Variants in SLC25A48 observed in about 807,000 individuals in gnomAD.
The protein encoded by SLC25A48 is solute carrier family 25 member 48, also known as CTC-321K16.1.
A neutral mutation model predicts 32.2 loss-of-function variants in SLC25A48; 29 were observed. The observed-to-expected ratio is 0.90, with a 90% CI of 0.67 to 1.23. The LOEUF is 1.23. Ranked by LOEUF, SLC25A48 falls within the 50% of genes most tolerant of loss-of-function variation. The probability of loss-of-function intolerance (pLI) is 0.00; values close to 1 mark genes in which losing one functional copy is unlikely to be tolerated. For missense variants in SLC25A48, 399 were observed against 422.7 expected (o/e 0.94, Z 0.49); for synonymous variants, 164 against 172.3 (o/e 0.95, Z 0.38).
chr5:135,602,263 G>A (rs540733180), intron 1 of SLC25A48, among the ~76,000 whole-genome samples: 4 of 152,308 alleles, frequency 2.6e-5, no homozygotes, highest in African/African-American at 9.6e-5. Flanking sequence ...TCACAAATGT[G>A]TTCACCAATG....
At chr5:135,766,600 C>T (rs78162850) in intron 3 of SLC25A48, among the ~76,000 whole-genome samples, 22 of 151,066 alleles carry the variant, frequency 1.5e-4, no homozygotes, top group Non-Finnish European at 2.1e-4. Context: ...TCCCATCCCA[C>T]GGAAGGTGGT....
At chr5:135,595,960 C>T (rs935396484) in intron 1 of SLC25A48, among the ~76,000 whole-genome samples, 6 of 152,186 alleles carry the variant, frequency 3.9e-5, no homozygotes, top group Admixed American at 1.3e-4. Context: ...GGCACCAGCC[C>T]TCCCAGAGTG....
At chr5:135,719,738 G>C (rs1480993351) in intron 3 of SLC25A48, among the ~76,000 whole-genome samples, 1 of 152,174 alleles carries the variant, frequency 6.6e-6, no homozygotes, top group Non-Finnish European at 1.5e-5. Flanking sequence ...TCTCCCTGAG[G>C]TGGGCTGAGA....
intron 3 of SLC25A48, among the ~76,000 whole-genome samples, chr5:135,721,640 T>C (rs1403765135): frequency 6.6e-6 from 1 of 152,140 alleles, no homozygotes; most frequent in Non-Finnish European, 1.5e-5. Context: ...CACTGCATAA[T>C]TGAAATGGAT....
intron 3 of SLC25A48, among the ~76,000 whole-genome samples, chr5:135,791,702 G>T (rs140720535): frequency 6.6e-6 from 1 of 151,412 alleles, no homozygotes; most frequent in Admixed American, 6.6e-5. Flanking sequence ...CACATTGGGG[G>T]TACACACTGT....
At chr5:135,716,187 G>A (rs1754791899) in intron 3 of SLC25A48, among the ~76,000 whole-genome samples, 2 of 152,128 alleles carry the variant, frequency 1.3e-5, no homozygotes, top group South Asian at 4.1e-4. Flanking sequence ...GCTTCCTACA[G>A]GAAAAAGTGA....
chr5:135,632,950 A>G (rs1234826489), intron 2 of SLC25A48, among the ~76,000 whole-genome samples: 1 of 152,208 alleles, frequency 6.6e-6, no homozygotes, highest in African/African-American at 2.4e-5. Flanking sequence ...AGGGTGAGGA[A>G]AATGAGCATG....
chr5:135,831,359 T>C (rs985125917), upstream of SLC25A48, among the ~76,000 whole-genome samples: 5 of 152,252 alleles, frequency 3.3e-5, no homozygotes, highest in Non-Finnish European at 7.3e-5. Context: ...CCATCAGGCC[T>C]GCGCCAGGCT....
At chr5:135,728,393 T>C (rs1470208710) in intron 3 of SLC25A48, among the ~76,000 whole-genome samples, 3 of 152,212 alleles carry the variant, frequency 2.0e-5, no homozygotes, top group African/African-American at 7.2e-5. Flanking sequence ...TATAGACTGC[T>C]TTATAATCAT....
chr5:135,639,976 ATGT>A (rs1752794822), intron 3 of SLC25A48, among the ~76,000 whole-genome samples: 1 of 152,198 alleles, frequency 6.6e-6, no homozygotes, highest in Non-Finnish European at 1.5e-5. Flanking sequence ...GGCAACCCAG[ATGT>A]TGTAATTAGC....
At chr5:135,652,319 C>T (rs944162900) in intron 3 of SLC25A48, 1 of 452,150 alleles carries the variant, frequency 2.2e-6, no homozygotes, top group East Asian at 7.0e-5. Flanking sequence ...GATTTGTCAC[C>T]ATGAGAATAG....
chr5:135,724,253 T>G (rs1256688507), intron 3 of SLC25A48, among the ~76,000 whole-genome samples: 1 of 152,248 alleles, frequency 6.6e-6, no homozygotes, highest in African/African-American at 2.4e-5. Context: ...ATGCCATTAG[T>G]TGCCACTGTT....
chr5:135,718,234 C>T (rs1353057781), intron 3 of SLC25A48, among the ~76,000 whole-genome samples: 1 of 152,098 alleles, frequency 6.6e-6, no homozygotes, highest in African/African-American at 2.4e-5. Flanking sequence ...CCCTTGGCTC[C>T]CCAGCAGGCT....
intron 3 of SLC25A48, among the ~76,000 whole-genome samples, chr5:135,735,516 C>G (rs181586332): frequency 6.6e-6 from 1 of 152,154 alleles, no homozygotes; most frequent in Non-Finnish European, 1.5e-5. Flanking sequence ...TTTCTTTAAG[C>G]TTGTCATAAT....
intron 3 of SLC25A48, among the ~76,000 whole-genome samples, chr5:135,692,922 C>T (rs550485136): frequency 6.6e-5 from 10 of 152,286 alleles, no homozygotes; most frequent in African/African-American, 2.4e-4. Context: ...AATATAAGGT[C>T]CAATGAGTAA....
At chr5:135,852,517 G>T (rs768746744) in intron 3 of SLC25A48, 46 bp from the exon 4 acceptor site, 203 of 1,552,820 alleles carry the variant, frequency 1.3e-4, no homozygotes, top group Non-Finnish European at 1.7e-4. Context: ...GCTCTGCGAC[G>T]GCAGCCCGGG....
At chr5:135,717,038 T>C (rs1255413915) in intron 3 of SLC25A48, among the ~76,000 whole-genome samples, 1 of 152,188 alleles carries the variant, frequency 6.6e-6, no homozygotes, top group Non-Finnish European at 1.5e-5. Context: ...CCAAGCATGA[T>C]GTTTTGTCCT....
chr5:135,621,699 A>T (rs1380970516), intron 1 of SLC25A48, among the ~76,000 whole-genome samples: 1 of 152,178 alleles, frequency 6.6e-6, no homozygotes, highest in Admixed American at 6.5e-5. Context: ...TACTAAAAAA[A>T]AAAATTAGGT....
At chr5:135,829,106 G>A (rs1335616100) in intron 4 of SLC25A48, among the ~76,000 whole-genome samples, 1 of 152,242 alleles carries the variant, frequency 6.6e-6, no homozygotes, top group African/African-American at 2.4e-5. Context: ...TTTGATGACT[G>A]CATGATAGAG....
Sources: gnomAD v4.1 joint callset for allele counts (sites outside exome capture counted in the v4.1 genomes callset) on GRCh38, gnomAD v4.1.1 for gene constraint, MANE v1.5 for transcripts, NCBI Gene and HGNC (gene_info 2026-07-23, HGNC 2026-07-21) for gene names.